Variants in DNAAF11 observed in about 807,000 individuals in gnomAD.
DNAAF11 encodes the protein dynein axonemal assembly factor 11.
A neutral mutation model predicts 60.8 loss-of-function variants in DNAAF11; 45 were observed. The observed-to-expected ratio is 0.74, with a 90% CI of 0.58 to 0.95. The LOEUF is 0.95. DNAAF11 is among the 40% of genes least tolerant of loss of function. The pLI is 0.00. For synonymous variants in DNAAF11, 191 were observed against 183.5 expected (o/e 1.04, Z -0.33); for missense variants, 546 against 546.2 (o/e 1.00, Z 0.00).
At chr8:132,638,499 T>C (rs533503814) in intron 3 of DNAAF11, among the ~76,000 whole-genome samples, 1 of 152,334 alleles carries the variant, frequency 6.6e-6, no homozygotes, top group East Asian at 1.9e-4. Flanking sequence ...ACCTGGAACC[T>C]GTCCTCTTGA....
chr8:132,583,544 TACGGTTTGGGAAATAA>T, intron 11 of DNAAF11, 134 bp downstream of exon 11: 1 of 639,018 alleles, frequency 1.6e-6, no homozygotes. Flanking sequence ...AGCAAGAGTC[TACGGTTTGGGAAATAA>T]ACATTAACAT....
rs1028157217 is a variant in DNAAF11, at chr8:132,664,566, A to G, written c.11-2939T>C. Among the ~76,000 whole-genome samples, 8 of 151,930 alleles carry G rather than the reference A, an allele frequency of 5.3e-5. No homozygotes were observed. In the East Asian group the frequency reaches 1.2e-3, roughly 22 times the overall value. Reference sequence around the variant, plus strand: ...GTTTGCTGCAGCCCAGGATCAAGGGATCCTCCTACCTCAGCCTTCTGAGTA... The same window carrying G: ...GTTTGCTGCAGCCCAGGATCAAGGGGTCCTCCTACCTCAGCCTTCTGAGTA... On this transcript the variant is annotated intron_variant, in intron 1 of 11. Transcript: ENST00000620350.
the DNAAF11 span, among the ~76,000 whole-genome samples, chr8:132,683,306 G>C: frequency 1.3e-5 from 2 of 152,180 alleles, no homozygotes; most frequent in Non-Finnish European, 2.9e-5. Flanking sequence ...GATGTTGAAG[G>C]TGGAACACAT....
intron 1 of DNAAF11, among the ~76,000 whole-genome samples, chr8:132,670,069 C>G (rs1339757184): frequency 2.6e-5 from 4 of 151,594 alleles, no homozygotes; most frequent in South Asian, 2.1e-4. Flanking sequence ...AAAGAAAGGT[C>G]TCAAATATTG....
intron 10 of DNAAF11, among the ~76,000 whole-genome samples, chr8:132,594,156 C>T (rs1816753211): frequency 6.6e-6 from 1 of 152,026 alleles, no homozygotes; most frequent in South Asian, 2.1e-4. Context: ...TGAATAAGGA[C>T]ATTTGGGGGT....
intron 11 of DNAAF11, among the ~76,000 whole-genome samples, chr8:132,578,829 C>T (rs1432065412): frequency 1.3e-5 from 2 of 152,204 alleles, no homozygotes; most frequent in Non-Finnish European, 2.9e-5. Context: ...CCTGAGAGCA[C>T]TTGGGGAGCC....
chr8:132,641,843 A>C (rs1017429119), intron 3 of DNAAF11, among the ~76,000 whole-genome samples: 3 of 152,238 alleles, frequency 2.0e-5, no homozygotes, highest in African/African-American at 7.2e-5. Context: ...ACATCTATTC[A>C]ATGTTTAATG....
intron 3 of DNAAF11, among the ~76,000 whole-genome samples, chr8:132,644,929 C>T (rs1393723134): frequency 1.3e-5 from 2 of 152,196 alleles, no homozygotes; most frequent in Non-Finnish European, 2.9e-5. Context: ...GAACAAAAGA[C>T]AGGAGAAACT....
intron 5 of DNAAF11, among the ~76,000 whole-genome samples, chr8:132,632,362 T>A (rs1820882880): frequency 6.6e-6 from 1 of 152,218 alleles, no homozygotes; most frequent in Non-Finnish European, 1.5e-5. Flanking sequence ...GAAAATAGAA[T>A]GTTTTATGAT....
At chr8:132,697,715 G>A in the DNAAF11 span, among the ~76,000 whole-genome samples, 9 of 152,134 alleles carry the variant, frequency 5.9e-5, no homozygotes, top group Non-Finnish European at 8.8e-5. Context: ...CACCAAGAAT[G>A]ACTGGAATCG....
chr8:132,587,281 T>C (rs932545506), intron 10 of DNAAF11, among the ~76,000 whole-genome samples: 10 of 152,176 alleles, frequency 6.6e-5, no homozygotes, highest in African/African-American at 2.2e-4. Flanking sequence ...TTCAGCTCAT[T>C]TAGTTTCAAA....
chr8:132,593,289 T>C (rs183108133), intron 10 of DNAAF11, among the ~76,000 whole-genome samples: 1 of 143,714 alleles, frequency 7.0e-6, no homozygotes, highest in East Asian at 2.1e-4. Context: ...TGATAGAAGT[T>C]TCTGACAGAT....
At chr8:132,599,096 C>T (rs1254433363) in intron 10 of DNAAF11, among the ~76,000 whole-genome samples, 6 of 151,992 alleles carry the variant, frequency 3.9e-5, no homozygotes, top group African/African-American at 9.7e-5. Context: ...GGGGATATCA[C>T]CACCGATCCC....
At chr8:132,671,709 G>A (rs552868326) in intron 1 of DNAAF11, among the ~76,000 whole-genome samples, 19 of 151,882 alleles carry the variant, frequency 1.3e-4, no homozygotes, top group Admixed American at 4.6e-4. Flanking sequence ...AAAGAAAGTC[G>A]AGAACACACA....
chr8:132,580,198 C>T (rs994371267), intron 11 of DNAAF11, among the ~76,000 whole-genome samples: 1 of 152,134 alleles, frequency 6.6e-6, no homozygotes, highest in African/African-American at 2.4e-5. Context: ...AACTGGAACG[C>T]TTCCCTCTGG....
At chr8:132,672,585 G>A (rs1825289758) in intron 1 of DNAAF11, among the ~76,000 whole-genome samples, 3 of 152,190 alleles carry the variant, frequency 2.0e-5, no homozygotes, top group South Asian at 4.1e-4. Flanking sequence ...TTGTGCTCCA[G>A]ATTCCTCATC....
At chr8:132,666,349 CCTGAT>C in intron 1 of DNAAF11, among the ~76,000 whole-genome samples, 2 of 152,094 alleles carry the variant, frequency 1.3e-5, no homozygotes, top group South Asian at 4.2e-4. Flanking sequence ...TGCTAATTAC[CCTGAT>C]CTGATTACTA....
intron 4 of DNAAF11, among the ~76,000 whole-genome samples, chr8:132,636,088 A>G (rs73356811): frequency 0.06 from 9,106 of 151,966 alleles, 690 homozygotes; most frequent in African/African-American, 0.18. Context: ...ACTTTGTTAC[A>G]GCAGCCCTAG....
intron 3 of DNAAF11, among the ~76,000 whole-genome samples, chr8:132,641,484 C>T (rs894031349): frequency 4.0e-5 from 6 of 151,550 alleles, no homozygotes; most frequent in African/African-American, 4.9e-5. Flanking sequence ...GATTCCTTGG[C>T]GTGAGATAGA....
Sources: gnomAD v4.1 joint callset for allele counts (sites outside exome capture counted in the v4.1 genomes callset) on GRCh38, gnomAD v4.1.1 for gene constraint, MANE v1.5 for transcripts, NCBI Gene and HGNC (gene_info 2026-07-23, HGNC 2026-07-21) for gene names.